Variants in INTS11 observed in about 807,000 individuals in gnomAD.
INTS11 encodes the protein CPSF3-like protein.
INTS11 carries 77 observed loss-of-function variants against 78.6 expected under a neutral mutation model. The ratio of observed to expected loss-of-function variants is 0.98; its 90% CI spans 0.81 to 1.18. The LOEUF is 1.18. INTS11 is among the 50% of genes most tolerant of loss of function. The probability of loss-of-function intolerance (pLI) is 0.00; values close to 1 mark genes in which losing one functional copy is unlikely to be tolerated. For missense variants in INTS11, 875 were observed against 825.9 expected, an observed-to-expected ratio of 1.06 and a Z score of -0.73; for synonymous variants, 441 against 326.9, an observed-to-expected ratio of 1.35 and a Z score of -3.77.
rs777868865 is a variant in INTS11 at position 1,314,936 on chromosome 1, G to C, written c.590C>G (p.Pro197Arg). Residue 197 changes from proline to arginine, a missense_variant, in exon 7 of 17, where the codon CCC (proline) becomes CGC (arginine). By Grantham distance (103) the Pro-to-Arg change is moderately radical. Transcript: ENST00000435064. This position sits in a 1 kb window ranked among gnomAD's most constrained non-coding sequence, Gnocchi z 4.2. ...CGTGGACTCTGTGATGAGCAGGTTG[G>C]GGCGGCACTTGTCAATCCAGGCAGC... is the stretch of plus-strand genomic sequence containing the variant. ...LGAAWIDKCR[P>R]NLLITESTYA... 2 of 1,612,902 alleles carry C rather than the reference G, an allele frequency of 1.2e-6. No homozygotes were observed. The highest frequency in any genetic ancestry group is 2.2e-5 in the South Asian group (2 of 91,084).
chr1:1,321,139 C>A (rs754680420), intron 1 of INTS11, 46 bp from the exon 2 acceptor site: 4 of 1,466,338 alleles, frequency 2.7e-6, no homozygotes, highest in Non-Finnish European at 3.8e-6. Flanking sequence ...CCCCCGCCCC[C>A]TGTGCTGCCT....
chr1:1,313,612 A>G lies in INTS11; in HGVS notation c.958-20T>C, dbSNP rs1351857521. 1 of 1,612,764 alleles carries G rather than the reference A, an allele frequency of 6.2e-7. No homozygotes were observed. Among genetic ancestry groups the G allele is most frequent in the Non-Finnish European group, 8.5e-7 (1 of 1,179,896 alleles). On this transcript the variant is annotated intron_variant, in intron 9 of 16. Coordinates refer to ENST00000435064, the MANE Select transcript of INTS11 (RefSeq NM_017871.6). Reference sequence around the variant, plus strand: ...CACAACCTACAGGACACACAGGGCCAGGTGGGGGGTCAGGGCAGCAGATGC... The same window carrying G: ...CACAACCTACAGGACACACAGGGCCGGGTGGGGGGTCAGGGCAGCAGATGC...
chr1:1,311,634 A>G lies in INTS11; in HGVS notation c.*225T>C, dbSNP rs1642162951. The stretch of plus-strand genomic sequence containing the variant: ...CAGCTTTTACTGGAAACTGCTGTCT[A>G]GGACCACCTGCCCTAACCAGGAATA... On this transcript the variant is annotated 3_prime_UTR_variant, in exon 17 of 17. Transcript: ENST00000435064. 1.4e-6 allele frequency: 1 copy of G among 710,904 alleles called. No individual in the cohort carries two copies. Among genetic ancestry groups the G allele is most frequent in the Admixed American group, 2.0e-5 (1 of 49,714 alleles). 44.0% of individuals were successfully genotyped at this position (710,904 alleles called of 1,614,324 possible). A position where few individuals can be genotyped will look rare whatever the true frequency, so the allele number is the denominator to read the frequency against.
intron 2 of INTS11, 56 bp downstream of exon 2, chr1:1,320,940 C>G (rs1390112626): frequency 6.8e-7 from 1 of 1,470,572 alleles, no homozygotes; most frequent in South Asian, 1.1e-5. Flanking sequence ...GGCCCAGGGT[C>G]CAGCTGTGGA....
chr1:1,321,838 C>T (rs1403790576), intron 1 of INTS11: 3 of 1,159,646 alleles, frequency 2.6e-6, no homozygotes, highest in East Asian at 3.2e-5. Context: ...AGGGTCACGG[C>T]CCCTGCACAG....
intron 1 of INTS11, chr1:1,323,403 G>T: frequency 1.7e-6 from 2 of 1,190,454 alleles, no homozygotes; most frequent in Non-Finnish European, 2.3e-6. Context: ...GTTCTATACT[G>T]TTACGACTTT....
intron 13 of INTS11, 32 bp downstream of exon 13, chr1:1,312,561 G>A (rs1488037406): frequency 1.3e-6 from 2 of 1,577,500 alleles, no homozygotes; most frequent in Non-Finnish European, 8.6e-7. Flanking sequence ...CCTGCCCCGA[G>A]CACCCTGCCC....
chr1:1,317,562 G>A (rs980578701), intron 4 of INTS11: 29 of 475,690 alleles, frequency 6.1e-5, no homozygotes, highest in Non-Finnish European at 7.4e-5. Context: ...CAGGCTCTCG[G>A]GGTCCCTGGA....
Position 1,314,374 on chromosome 1 carries a change from G to C in INTS11, c.703-9C>G, listed in dbSNP as rs766136045. On this transcript the variant is annotated splice_polypyrimidine_tract_variant and intron_variant, in intron 7 of 16. Coordinates refer to ENST00000435064, the MANE Select transcript of INTS11 (RefSeq NM_017871.6). This position sits in a 1 kb window ranked among gnomAD's most constrained non-coding sequence, Gnocchi z 4.2. Reference sequence around the variant, plus strand: ...AACACAGGTATCAGCACCTGAGGGGGACACAAGGCAGGAGCCCTGGGCACA... The same window carrying C: ...AACACAGGTATCAGCACCTGAGGGGCACACAAGGCAGGAGCCCTGGGCACA... The C allele has an allele frequency of 1.2e-6, 2 of 1,602,810 alleles. No individual in the cohort carries two copies. Among genetic ancestry groups the C allele is most frequent in the African/African-American group, 2.7e-5 (2 of 74,782 alleles).
Position 1,321,101 on chromosome 1 carries a change from A to C in INTS11, c.29-8T>G. On this transcript the variant is annotated splice_polypyrimidine_tract_variant and splice_region_variant and intron_variant, in intron 1 of 16. Coordinates refer to ENST00000435064, the MANE Select transcript of INTS11 (RefSeq NM_017871.6). ...CCACGTCCTGGCCGGCCCCTACTCG[A>C]GGGAGGGCAGATGAGTCACTGCTGC... 2 of 1,605,806 alleles carry C rather than the reference A, an allele frequency of 1.2e-6. No homozygotes were observed. Among genetic ancestry groups the C allele is most frequent in the Non-Finnish European group, 1.7e-6 (2 of 1,175,072 alleles).
In INTS11 at chr1:1,313,562, C is replaced by T. The variant is rs773017208; in HGVS notation, c.988G>A (p.Ala330Thr). The change falls in exon 10 of 17, where the codon GCT (alanine) becomes ACT (threonine). Residue 330 changes from alanine (A) to threonine (T), a missense_variant. Transcript: ENST00000435064. ...CGGAAGATCTGCAGGGACTGCCCAG[C>T]GTGCAGCATTCCTGGCGTGGCAAAC... ...VVFATPGMLH[A>T]GQSLQIFRKW... 2.5e-6 allele frequency: 4 copies of T among 1,612,974 alleles called. No homozygotes were observed. The highest frequency in any genetic ancestry group is 3.4e-6 in the Non-Finnish European group (4 of 1,180,012).
At chr1:1,322,341 A>G (rs1322420797) in intron 1 of INTS11, among the ~76,000 whole-genome samples, 1 of 151,272 alleles carries the variant, frequency 6.6e-6, no homozygotes, top group Non-Finnish European at 1.5e-5. Context: ...GCCTGGAGAT[A>G]CACGAGGGGA....
chr1:1,321,196 T>A (rs974549643), intron 1 of INTS11, 103 bp from the exon 2 acceptor site: 5 of 870,076 alleles, frequency 5.7e-6, no homozygotes, highest in Non-Finnish European at 3.7e-6. Flanking sequence ...CCGGACCAAG[T>A]CTGCTGTGTG....
chr1:1,324,629 A>G lies in INTS11; in HGVS notation c.-21T>C, dbSNP rs779332642. The G allele has an allele frequency of 4.7e-5, 75 of 1,598,362 alleles. 1 individual carries two copies. In the Admixed American group the frequency reaches 1.2e-3, roughly 25 times the overall value. On this transcript the variant is annotated 5_prime_UTR_variant, in exon 1 of 17. Transcript: ENST00000435064. ...GGCATCGTCTCCGCCGCGCTCCCGGACCCGCGAGGCCCGCCTGCGGTGATG... is the reference window on the plus strand; with the variant it reads ...GGCATCGTCTCCGCCGCGCTCCCGGGCCCGCGAGGCCCGCCTGCGGTGATG...
chr1:1,314,189 G>A lies in INTS11; in HGVS notation c.767+112C>T. The A allele has an allele frequency of 1.9e-6, 2 of 1,061,884 alleles. No homozygotes were observed. Among genetic ancestry groups the A allele is most frequent in the Non-Finnish European group, 2.8e-6 (2 of 702,934 alleles). 65.8% of individuals were successfully genotyped at this position (1,061,884 alleles called of 1,614,324 possible). On this transcript the variant is annotated intron_variant, in intron 8 of 16. Transcript: ENST00000435064. The surrounding 1 kb of genome is among the most constrained non-coding windows in gnomAD (Gnocchi z 4.2). ...AGCACACGAGCGGCCCCCCAGGACA[G>A]CAGCAAGCAGGGCCAAGATGCCACC... is the stretch of plus-strand genomic sequence containing the variant.
At position 1,312,205 on chromosome 1, in the gene INTS11, G is replaced by A; in HGVS notation, c.1607+21C>T. 6 of 1,180,160 alleles carry A rather than the reference G, an allele frequency of 5.1e-6. 1 individual carries two copies. The highest frequency in any genetic ancestry group is 7.1e-6 in the Non-Finnish European group (6 of 841,014). The allele number at this position is 1,180,160 out of a possible 1,614,324, so 73.1% of individuals were successfully genotyped here. On this transcript the variant is annotated intron_variant, in intron 15 of 16. Transcript: ENST00000435064. ...CTCCAGGGCCCAAGGGAGTGGGGGG[G>A]GGGCGGGGCCGGGCGCCCACCTCTT...
rs904062389 is a variant in INTS11, at chr1:1,315,405, C to T, written c.562G>A (p.Gly188Arg). The stretch of plus-strand genomic sequence containing the variant: ...AAAAAGACACCTCAGCCTACTTACC[C>T]TAAGTGTCGGTCTGGGGTCATGTTA... ...DYNMTPDRHLGAAWIDKCRPN... is the reference protein window; with the variant it reads ...DYNMTPDRHLRAAWIDKCRPN... The change falls in exon 6 of 17, where the codon GGA becomes AGA. Residue 188 changes from glycine to arginine, a missense_variant and splice_region_variant. Coordinates refer to ENST00000435064, the MANE Select transcript of INTS11 (RefSeq NM_017871.6). The T allele has an allele frequency of 1.9e-6, 3 of 1,613,398 alleles. No individual in the cohort carries two copies. The highest frequency in any genetic ancestry group is 2.5e-6 in the Non-Finnish European group (3 of 1,179,970).
chr1:1,322,401 G>A (rs892154879), intron 1 of INTS11, among the ~76,000 whole-genome samples: 12 of 149,706 alleles, frequency 8.0e-5, no homozygotes, highest in Non-Finnish European at 1.2e-4. Context: ...GGAGACAGAC[G>A]GCAGACAAAC....
chr1:1,313,230 C>T (rs1642349573), intron 10 of INTS11, 106 bp from the exon 11 acceptor site: 1 of 1,304,004 alleles, frequency 7.7e-7, no homozygotes, highest in Non-Finnish European at 1.1e-6. Context: ...TTCCACCTGC[C>T]AGCGGCGCCC....
Sources: allele counts gnomAD v4.1 joint callset (sites outside exome capture counted in the v4.1 genomes callset), GRCh38; gene constraint gnomAD v4.1.1; non-coding constraint Gnocchi (gnomAD v3.1); transcripts MANE v1.5; gene names NCBI Gene and HGNC (gene_info 2026-07-23, HGNC 2026-07-21).